Variants in SCARB2 observed in about 807,000 individuals in gnomAD.
SCARB2 encodes scavenger receptor class B member 2, also known as lysosome membrane protein 2.
A neutral mutation model predicts 58.6 loss-of-function variants in SCARB2; 29 were observed. The ratio of observed to expected loss-of-function variants is 0.49; its 90% CI spans 0.37 to 0.67. SCARB2 has a LOEUF of 0.67. Among genes scored for constraint, SCARB2 ranks in the 30% least tolerant of loss-of-function variants. The probability of loss-of-function intolerance (pLI) is 0.00; values close to 1 mark genes in which losing one functional copy is unlikely to be tolerated. For missense variants in SCARB2, 488 were observed against 578.5 expected (o/e 0.84, Z 1.60); for synonymous variants, 195 against 210.1 (o/e 0.93, Z 0.62).
intron 1 of SCARB2, among the ~76,000 whole-genome samples, chr4:76,219,675 T>G (rs972462308): frequency 1.3e-5 from 2 of 152,064 alleles, no homozygotes; most frequent in Middle Eastern, 3.4e-3. Context: ...GCAGACTTTG[T>G]CAGCCTGGAG....
At position 76,172,849 on chromosome 4, in the gene SCARB2, G is replaced by C. The variant is rs534778850; in HGVS notation, c.994+1295C>G. On this transcript the variant is annotated intron_variant, in intron 7 of 11. Transcript: ENST00000264896. ...ATTTTAAAATGAGATAGATAAGGGA[G>C]CAAAAGTGAGCACATTACTATTCAG... The C allele has an allele frequency of 3.3e-5, 5 of 152,180 alleles. No homozygotes were observed. In the East Asian group the frequency reaches 9.7e-4, roughly 29 times the overall value. The allele number at this position is 152,180 out of a possible 1,614,324, so 9.4% of individuals were successfully genotyped here. A position where few individuals can be genotyped will look rare whatever the true frequency, so the allele number is the denominator to read the frequency against.
chr4:76,169,562 GCTAGCATCAGA>G (rs1732086103), intron 8 of SCARB2, among the ~76,000 whole-genome samples: 1 of 152,134 alleles, frequency 6.6e-6, no homozygotes, highest in Non-Finnish European at 1.5e-5. Context: ...GAGGTCCAAG[GCTAGCATCAGA>G]AGATTGACCA....
At chr4:76,180,850 C>T in intron 3 of SCARB2, 104 bp downstream of exon 3, 3 of 967,204 alleles carry the variant, frequency 3.1e-6, no homozygotes, top group Non-Finnish European at 3.0e-6. Context: ...ATGTATATTT[C>T]AACATAACTT....
At chr4:76,184,654 T>G (rs916504890) in intron 2 of SCARB2, 5 of 252,190 alleles carry the variant, frequency 2.0e-5, no homozygotes, top group Non-Finnish European at 7.8e-6. Flanking sequence ...TGGTGACATG[T>G]ACCTGTAGTG....
At chr4:76,173,248 TA>T (rs1362941799) in intron 7 of SCARB2, 3 of 152,108 alleles carry the variant, frequency 2.0e-5, no homozygotes, top group Admixed American at 2.0e-4. Context: ...GGTTTAAAAC[TA>T]ACTCTGCTTC....
At chr4:76,218,959 A>G (rs59494864) in intron 1 of SCARB2, among the ~76,000 whole-genome samples, 1 of 152,304 alleles carries the variant, frequency 6.6e-6, no homozygotes, top group African/African-American at 2.4e-5. Flanking sequence ...TAGACATTCT[A>G]TTTTAAGGAT....
At chr4:76,232,624 A>G (rs1242209476) in intron 1 of SCARB2, among the ~76,000 whole-genome samples, 1 of 152,198 alleles carries the variant, frequency 6.6e-6, no homozygotes, top group Non-Finnish European at 1.5e-5. Context: ...ATGTATTAAT[A>G]TTACTCACAA....
intron 8 of SCARB2, among the ~76,000 whole-genome samples, chr4:76,169,190 C>T (rs937934997): frequency 6.6e-6 from 1 of 151,834 alleles, no homozygotes; most frequent in Non-Finnish European, 1.5e-5. Flanking sequence ...CCATAAAATA[C>T]TGTGCTAAAA....
At chr4:76,182,273 T>C (rs905410048) in intron 2 of SCARB2, among the ~76,000 whole-genome samples, 1 of 152,326 alleles carries the variant, frequency 6.6e-6, no homozygotes, top group Middle Eastern at 3.4e-3. Context: ...CACATGTGAC[T>C]ACTGAGTACT....
Position 76,213,515 on chromosome 4 carries a change from C to T in SCARB2, c.29G>A (p.Gly10Glu). ...CACCAGCAGGAGCAGGGACAACGTC[C>T]CCGCCGTGTAGAAGCAGCATCGGCC... Reference protein sequence around the residue: MGRCCFYTAGTLSLLLLVTS... With the variant: MGRCCFYTAETLSLLLLVTS... The change falls in exon 1 of 12, where the codon GGG becomes GAG. Residue 10 changes from glycine (G) to glutamate (E), a missense_variant. Gly to Glu is a moderately conservative substitution (Grantham distance 98, BLOSUM62 -2). Coordinates refer to ENST00000264896, the MANE Select transcript of SCARB2 (RefSeq NM_005506.4). The T allele has an allele frequency of 6.2e-7, 1 of 1,610,666 alleles. No individual in the cohort carries two copies. The highest frequency in any genetic ancestry group is 8.5e-7 in the Non-Finnish European group (1 of 1,178,664).
upstream of SCARB2, chr4:76,217,824 T>C (rs140570496): frequency 6.0e-5 from 24 of 402,566 alleles, no homozygotes; most frequent in East Asian, 8.5e-4. Context: ...TAATGAATGA[T>C]TGCTGGTGCC....
chr4:76,226,121 GAGACA>G (rs1359810844), intron 1 of SCARB2, among the ~76,000 whole-genome samples: 4 of 152,212 alleles, frequency 2.6e-5, no homozygotes, highest in Admixed American at 2.0e-4. Flanking sequence ...TCAAAGGAAT[GAGACA>G]AGACAAGTTA....
At chr4:76,168,899 CAG>C (rs1732068977) in intron 8 of SCARB2, among the ~76,000 whole-genome samples, 2 of 152,222 alleles carry the variant, frequency 1.3e-5, no homozygotes, top group Non-Finnish European at 2.9e-5. Flanking sequence ...TGGTCACTGC[CAG>C]AGAGTGGCAT....
rs200004546 is a variant in SCARB2 at position 76,179,048 on chromosome 4, TTTTTG to T, written c.612+464_612+468del. 2.5e-3 allele frequency: 310 copies of T among 123,018 alleles called. 2 individuals carry two copies. Among genetic ancestry groups the T allele is most frequent in the African/African-American group, 0.014 (291 of 20,200 alleles). The allele number at this position is 123,018 out of a possible 1,614,324, so 7.6% of individuals were successfully genotyped here. A position where few individuals can be genotyped will look rare whatever the true frequency, so the allele number is the denominator to read the frequency against. On this transcript the variant is annotated intron_variant, in intron 4 of 11. Coordinates refer to ENST00000264896, the MANE Select transcript of SCARB2 (RefSeq NM_005506.4). ...TCCAGGGTTTTTGTTTTTGTTTTTG[TTTTTG>T]TTTTTTTTTTGGCTTTTTTAGACAG...
intron 7 of SCARB2, chr4:76,173,112 C>G (rs774762617): frequency 6.6e-6 from 1 of 152,144 alleles, no homozygotes; most frequent in Non-Finnish European, 1.5e-5. Flanking sequence ...CAACATGTGG[C>G]TGTTAAAACT....
intron 1 of SCARB2, among the ~76,000 whole-genome samples, chr4:76,198,857 T>A (rs1387740823): frequency 6.7e-6 from 1 of 149,090 alleles, no homozygotes; most frequent in East Asian, 1.9e-4. Flanking sequence ...TGTGTGTGTG[T>A]GTGTGTGTGT....
At position 76,205,068 on chromosome 4, in the gene SCARB2, G is replaced by A. The variant is rs28564307; in HGVS notation, c.117+8359C>T. On this transcript the variant is annotated intron_variant, in intron 1 of 11. Transcript: ENST00000264896. ...GGGCCAGGCACAGTGGCTCACGCCT[G>A]TAATCCCAGCACTTTAGGAGGCAAA... Among the ~76,000 whole-genome samples, 1,113 of 152,290 alleles carry A rather than the reference G, an allele frequency of 7.3e-3. 12 individuals are homozygous for A. Among genetic ancestry groups the A allele is most frequent in the African/African-American group, 0.025 (1,056 of 41,564 alleles).
At chr4:76,210,392 G>A (rs980848968) in intron 1 of SCARB2, among the ~76,000 whole-genome samples, 13 of 152,176 alleles carry the variant, frequency 8.5e-5, no homozygotes, top group African/African-American at 2.7e-4. Flanking sequence ...ACAGGCGAGT[G>A]AAGAGGCATT....
chr4:76,208,573 A>T (rs1412798040), intron 1 of SCARB2, among the ~76,000 whole-genome samples: 5 of 152,198 alleles, frequency 3.3e-5, no homozygotes, highest in Non-Finnish European at 7.3e-5. Flanking sequence ...CAGGCTGAGT[A>T]AACAGAGGAA....
Sources: allele counts gnomAD v4.1 joint callset (sites outside exome capture counted in the v4.1 genomes callset), GRCh38; gene constraint gnomAD v4.1.1; transcripts MANE v1.5; gene names NCBI Gene and HGNC (gene_info 2026-07-23, HGNC 2026-07-21).